Variants in PRKCA observed in about 807,000 individuals in gnomAD.
The protein encoded by PRKCA is protein kinase C alpha, also known as protein kinase C alpha type.
A neutral mutation model predicts 87.0 loss-of-function variants in PRKCA; 27 were observed. The observed-to-expected ratio is 0.31, with a 90% CI of 0.23 to 0.43. The LOEUF (loss-of-function observed/expected upper bound fraction) is 0.43, where lower values mean the gene tolerates loss of function less well. Among genes scored for constraint, PRKCA ranks in the 20% least tolerant of loss-of-function variants. PRKCA has a pLI of 1.00. For synonymous variants in PRKCA, 329 were observed against 311.1 expected, an observed-to-expected ratio of 1.06 and a Z score of -0.61; for missense variants, 518 against 852.3, an observed-to-expected ratio of 0.61 and a Z score of 4.88.
chr17:66,550,292 C>T (rs139643577), intron 3 of PRKCA, among the ~76,000 whole-genome samples: 1 of 152,238 alleles, frequency 6.6e-6, no homozygotes, highest in Non-Finnish European at 1.5e-5. Flanking sequence ...TTGGGGAAAA[C>T]GTGCCAAGTT....
chr17:66,705,892 A>G (rs1043092058), intron 8 of PRKCA, among the ~76,000 whole-genome samples: 4 of 152,214 alleles, frequency 2.6e-5, no homozygotes, highest in Non-Finnish European at 4.4e-5. Flanking sequence ...GACACCAAAC[A>G]TAATGCTATT....
In PRKCA at chr17:66,357,896, CA is replaced by C. The variant is rs568819189; in HGVS notation, c.205+51771del. On this transcript the variant is annotated intron_variant, in intron 2 of 16. Transcript: ENST00000413366. Reference sequence around the variant, plus strand: ...ACGGTACCTTGGAAGTGCAGATGGACAACAGAATGATTGGAGATGAGTGCCT... The same window carrying C: ...ACGGTACCTTGGAAGTGCAGATGGACACAGAATGATTGGAGATGAGTGCCT... Among the ~76,000 whole-genome samples, 379 of 148,782 alleles carry C rather than the reference CA, an allele frequency of 2.5e-3. 1 individual carries two copies. Among genetic ancestry groups the C allele is most frequent in the African/African-American group, 8.5e-3 (325 of 38,244 alleles).
rs563285437 is a variant in PRKCA at position 66,548,963 on chromosome 17, A to G, written c.288+52680A>G. Among the ~76,000 whole-genome samples the G allele has an allele frequency of 3.0e-3, 457 of 151,862 alleles. 2 individuals carry two copies. Among genetic ancestry groups the G allele is most frequent in the Non-Finnish European group, 5.3e-3 (363 of 67,976 alleles). On this transcript the variant is annotated intron_variant, in intron 3 of 16. Transcript: ENST00000413366. ...GCTGGGACCACAAGTGCACTACCAC[A>G]CCCAGCTAATTTTTGTATTTTTTGG... is the stretch of plus-strand genomic sequence containing the variant.
At chr17:66,641,883 G>A (rs7214182) in intron 4 of PRKCA, among the ~76,000 whole-genome samples, 57,670 of 151,880 alleles carry the variant, frequency 0.38, 11,184 homozygotes, top group African/African-American at 0.47. Flanking sequence ...TGGGTGGACT[G>A]TGGAAAAATC....
At chr17:66,511,986 A>T (rs929127713) in intron 3 of PRKCA, among the ~76,000 whole-genome samples, 1 of 152,050 alleles carries the variant, frequency 6.6e-6, no homozygotes, top group Non-Finnish European at 1.5e-5. Context: ...CAGCTGTCAG[A>T]TAGTGAACTT....
intron 3 of PRKCA, among the ~76,000 whole-genome samples, chr17:66,538,469 A>G (rs987801757): frequency 6.6e-6 from 1 of 151,864 alleles, no homozygotes; most frequent in African/African-American, 2.4e-5. Context: ...GTCACCAGGG[A>G]GGTGATGTTT....
At chr17:66,530,508 T>G (rs574973440) in intron 3 of PRKCA, among the ~76,000 whole-genome samples, 1 of 152,354 alleles carries the variant, frequency 6.6e-6, no homozygotes, top group African/African-American at 2.4e-5. Context: ...CTTTGCAATT[T>G]GCTGCCTCTT....
At chr17:66,541,536 TCCAGAGGCAGCAGATG>T (rs753543882) in intron 3 of PRKCA, among the ~76,000 whole-genome samples, 5 of 152,300 alleles carry the variant, frequency 3.3e-5, no homozygotes, top group South Asian at 4.1e-4. Flanking sequence ...TAGAGGCTCA[TCCAGAGGCAGCAGATG>T]CCAGAGGCAG....
At chr17:66,563,845 A>G (rs907661485) in intron 3 of PRKCA, among the ~76,000 whole-genome samples, 4 of 152,214 alleles carry the variant, frequency 2.6e-5, no homozygotes, top group Middle Eastern at 3.2e-3. Context: ...AGTATAAACA[A>G]AAGAGTTTAA....
chr17:66,430,648 A>G (rs1403883682), intron 2 of PRKCA, among the ~76,000 whole-genome samples: 1 of 152,042 alleles, frequency 6.6e-6, no homozygotes, highest in Non-Finnish European at 1.5e-5. Flanking sequence ...ATCTTCCTCC[A>G]TTAGTGCTTG....
chr17:66,521,202 A>G (rs917441766), intron 3 of PRKCA, among the ~76,000 whole-genome samples: 1 of 152,194 alleles, frequency 6.6e-6, no homozygotes, highest in Admixed American at 6.5e-5. Context: ...TCTTGCAAGT[A>G]TATTCACAGA....
intron 3 of PRKCA, among the ~76,000 whole-genome samples, chr17:66,638,812 C>T (rs1482028816): frequency 6.6e-6 from 1 of 151,794 alleles, no homozygotes; most frequent in African/African-American, 2.4e-5. Flanking sequence ...CGTGCCACTG[C>T]ACTCTAGCCT....
intron 2 of PRKCA, among the ~76,000 whole-genome samples, chr17:66,381,098 C>T (rs1276054394): frequency 1.3e-5 from 2 of 151,980 alleles, no homozygotes; most frequent in Non-Finnish European, 2.9e-5. Context: ...AGCCACCACG[C>T]CCAGCTAAGT....
intron 5 of PRKCA, among the ~76,000 whole-genome samples, chr17:66,682,395 A>G (rs1972516413): frequency 6.6e-6 from 1 of 152,384 alleles, no homozygotes; most frequent in Middle Eastern, 3.4e-3. Context: ...CAGACTTTCT[A>G]TTCTGAAATG....
chr17:66,427,145 CCT>C (rs1440722297), intron 2 of PRKCA, among the ~76,000 whole-genome samples: 1 of 152,150 alleles, frequency 6.6e-6, no homozygotes, highest in Non-Finnish European at 1.5e-5. Flanking sequence ...GATCCTCCCA[CCT>C]CAGCCTCCTA....
At chr17:66,356,620 T>C (rs773366084) in intron 2 of PRKCA, among the ~76,000 whole-genome samples, 2 of 152,040 alleles carry the variant, frequency 1.3e-5, no homozygotes. Flanking sequence ...TGAGACTCCG[T>C]CTCAAAAAAA....
chr17:66,725,583 G>T (rs1015266219), intron 8 of PRKCA, among the ~76,000 whole-genome samples: 3 of 151,938 alleles, frequency 2.0e-5, no homozygotes, highest in Non-Finnish European at 4.4e-5. Flanking sequence ...GGCTGAGGTG[G>T]GTGGATCACT....
At chr17:66,723,623 G>A (rs8074707) in intron 8 of PRKCA, among the ~76,000 whole-genome samples, 50,135 of 150,172 alleles carry the variant, frequency 0.33, 8,952 homozygotes, top group Middle Eastern at 0.42. Context: ...GTGAGACTCC[G>A]TCTCAAAAAA....
rs34731379 is a variant in PRKCA, at chr17:66,495,101, C to CAA, written c.206-1085_206-1084dup. Among the ~76,000 whole-genome samples, 569 of 132,088 alleles carry CAA rather than the reference C, an allele frequency of 4.3e-3. 2 individuals carry two copies. The highest frequency in any genetic ancestry group is 0.017 in the East Asian group (73 of 4,418). The allele number at this position is 132,088 out of a possible 152,430, so 86.7% of individuals were successfully genotyped here. On this transcript the variant is annotated intron_variant, in intron 2 of 16. Coordinates refer to ENST00000413366, the MANE Select transcript of PRKCA (RefSeq NM_002737.3). ...TCGGTGACAAAGTGAGACCCGGTCTCAAAAAAAAAAAAAAAACTCTTAGGG... is the reference window on the plus strand; with the variant it reads ...TCGGTGACAAAGTGAGACCCGGTCTCAAAAAAAAAAAAAAAAAACTCTTAGGG...
Sources: allele counts gnomAD v4.1 joint callset (sites outside exome capture counted in the v4.1 genomes callset), GRCh38; gene constraint gnomAD v4.1.1; transcripts MANE v1.5; gene names NCBI Gene and HGNC (gene_info 2026-07-23, HGNC 2026-07-21).